Variants in ASTN2 observed in about 807,000 individuals in gnomAD.
ASTN2 encodes astrotactin-2.
ASTN2 carries 54 observed loss-of-function variants against 139.8 expected under a neutral mutation model. The ratio of observed to expected loss-of-function variants is 0.39; its 90% CI spans 0.31 to 0.48. ASTN2 has a LOEUF of 0.48. Ranked by LOEUF, ASTN2 falls within the 20% of genes least tolerant of loss-of-function variation. The pLI, the probability that ASTN2 is intolerant of heterozygous loss-of-function variation, is 0.95. For synonymous variants in ASTN2, 756 were observed against 719.5 expected, an observed-to-expected ratio of 1.05 and a Z score of -0.81; for missense variants, 1,565 against 1,725.1, an observed-to-expected ratio of 0.91 and a Z score of 1.64.
chr9:117,346,724 A>G (rs1829230976), intron 1 of ASTN2, among the ~76,000 whole-genome samples: 2 of 152,308 alleles, frequency 1.3e-5, no homozygotes, highest in African/African-American at 2.4e-5. Flanking sequence ...GAACCTGTTC[A>G]GGGCCACCTC....
chr9:116,744,628 A>T (rs1405393683), intron 13 of ASTN2, among the ~76,000 whole-genome samples: 2 of 152,142 alleles, frequency 1.3e-5, no homozygotes, highest in African/African-American at 2.4e-5. Flanking sequence ...GGTGGGGAGT[A>T]AAAGAAGAGT....
Position 116,620,394 on chromosome 9 carries a change from T to C in ASTN2, c.3122A>G (p.Asp1041Gly). The C allele has an allele frequency of 1.2e-6, 2 of 1,614,068 alleles. No homozygotes were observed. Among genetic ancestry groups the C allele is most frequent in the Non-Finnish European group, 1.7e-6 (2 of 1,180,012 alleles). ...ACACCTGCACCAGTCATCGATCACA[T>C]CCCCTTTCCCTGAGCACCAGTAGGA... ...MSSYWCSGKG[D>G]VIDDWCRCDL... is the part of the protein sequence containing the mutation. The change falls in exon 18 of 23, where the codon GAT becomes GGT. Residue 1041 changes from aspartate (D) to glycine (G), a missense_variant. Physicochemically the swap from Asp to Gly is moderately conservative, Grantham distance 94. Around this residue, in one of 4 missense-constraint regions of ASTN2, gnomAD observed 418 missense variants for 465.8 expected, o/e 0.90. Coordinates refer to ENST00000313400, the MANE Select transcript of ASTN2 (RefSeq NM_001365068.1).
At chr9:116,923,424 G>A (rs1264718631) in intron 10 of ASTN2, among the ~76,000 whole-genome samples, 2 of 152,174 alleles carry the variant, frequency 1.3e-5, no homozygotes, top group Non-Finnish European at 2.9e-5. Flanking sequence ...GCTATTAGAC[G>A]GCTTCTCTTG....
intron 1 of ASTN2, among the ~76,000 whole-genome samples, chr9:117,394,927 A>C (rs1399536032): frequency 6.6e-6 from 1 of 152,214 alleles, no homozygotes; most frequent in African/African-American, 2.4e-5. Flanking sequence ...ACTTGAAGAA[A>C]GAAACTGCAG....
intron 1 of ASTN2, among the ~76,000 whole-genome samples, chr9:117,340,891 T>C (rs1829045282): frequency 6.6e-6 from 1 of 152,154 alleles, no homozygotes. Flanking sequence ...ATCAGCAACA[T>C]GGCCAGGCAG....
chr9:116,774,881 C>A (rs1465841435), intron 13 of ASTN2, among the ~76,000 whole-genome samples: 2 of 152,158 alleles, frequency 1.3e-5, no homozygotes, highest in Non-Finnish European at 2.9e-5. Flanking sequence ...AACTCACATG[C>A]ACCCATCTAC....
chr9:117,332,492 AG>A (rs1373755003), intron 1 of ASTN2, among the ~76,000 whole-genome samples: 2 of 152,152 alleles, frequency 1.3e-5, no homozygotes, highest in Non-Finnish European at 2.9e-5. Flanking sequence ...CTTGAGCCAG[AG>A]AGGCAGAGTT....
chr9:117,024,895 G>C lies in ASTN2; in HGVS notation c.1423+14924C>G, dbSNP rs561259034. Among the ~76,000 whole-genome samples, 5 of 148,726 alleles carry C rather than the reference G, an allele frequency of 3.4e-5. No individual in the cohort carries two copies. In the South Asian group the frequency reaches 6.2e-4, roughly 19 times the overall value. The stretch of plus-strand genomic sequence containing the variant: ...CAGTTTCCCCCATACTGTTCTCATG[G>C]TAGTGAATAAGTCTCATGAGATCTG... On this transcript the variant is annotated intron_variant, in intron 6 of 22. Transcript: ENST00000313400.
At position 116,425,602 on chromosome 9, in the gene ASTN2, G is replaced by C; in HGVS notation, c.*249C>G. ...CATAAGAAAAGGTTTAAAAAGGAGA[G>C]ACTTTTGATAGAGTCAAATAATATC... On this transcript the variant is annotated 3_prime_UTR_variant, in exon 23 of 23. Coordinates refer to ENST00000313400, the MANE Select transcript of ASTN2 (RefSeq NM_001365068.1). The C allele has an allele frequency of 6.2e-7, 1 of 1,613,046 alleles. No homozygotes were observed. Among genetic ancestry groups the C allele is most frequent in the East Asian group, 2.2e-5 (1 of 44,870 alleles).
intron 6 of ASTN2, among the ~76,000 whole-genome samples, chr9:117,016,822 T>G (rs1837728385): frequency 6.8e-6 from 1 of 146,434 alleles, no homozygotes. Context: ...TTTATATATA[T>G]ATATATGTTT....
intron 19 of ASTN2, among the ~76,000 whole-genome samples, chr9:116,510,451 T>C (rs1210416853): frequency 6.6e-6 from 1 of 152,240 alleles, no homozygotes; most frequent in African/African-American, 2.4e-5. Flanking sequence ...CCTCCAGCTT[T>C]GTTTTTTTGC....
chr9:116,615,968 T>C (rs918903056), intron 19 of ASTN2, among the ~76,000 whole-genome samples: 1 of 152,150 alleles, frequency 6.6e-6, no homozygotes, highest in Non-Finnish European at 1.5e-5. Context: ...TACTTAATGG[T>C]GAAAGACTAA....
intron 4 of ASTN2, among the ~76,000 whole-genome samples, chr9:117,116,579 G>GT (rs5900265): frequency 1.3e-4 from 19 of 145,304 alleles, no homozygotes; most frequent in Admixed American, 2.7e-4. Flanking sequence ...TTCATCAAAA[G>GT]TTTTTTTTTT....
intron 10 of ASTN2, among the ~76,000 whole-genome samples, chr9:116,972,560 CA>C (rs1247881228): frequency 3.9e-5 from 6 of 152,162 alleles, no homozygotes; most frequent in African/African-American, 1.4e-4. Flanking sequence ...TAGTACATAA[CA>C]CTCCACAGGT....
At chr9:116,886,745 A>G (rs1241928502) in intron 10 of ASTN2, among the ~76,000 whole-genome samples, 6 of 152,036 alleles carry the variant, frequency 3.9e-5, no homozygotes, top group African/African-American at 1.4e-4. Flanking sequence ...TATTTTTTTT[A>G]TTGAGCATCT....
At chr9:117,198,858 T>A (rs189229423) in intron 3 of ASTN2, among the ~76,000 whole-genome samples, 1 of 152,338 alleles carries the variant, frequency 6.6e-6, no homozygotes, top group Admixed American at 6.5e-5. Context: ...TATCTCATTG[T>A]GGTTTTGATT....
At chr9:116,451,882 GAA>G (rs35656090) in intron 20 of ASTN2, among the ~76,000 whole-genome samples, 1 of 146,552 alleles carries the variant, frequency 6.8e-6, no homozygotes, top group Admixed American at 6.8e-5. Flanking sequence ...GACCCCTCTT[GAA>G]AAAAAAAAAT....
At chr9:117,249,782 G>A (rs1833487669) in intron 2 of ASTN2, among the ~76,000 whole-genome samples, 2 of 151,966 alleles carry the variant, frequency 1.3e-5, no homozygotes, top group Non-Finnish European at 2.9e-5. Flanking sequence ...AGTCAACAGA[G>A]TTGGAGCCAG....
Position 116,562,733 on chromosome 9 carries a change from T to TA in ASTN2, c.3355+55590dup, listed in dbSNP as rs35878476. On this transcript the variant is annotated intron_variant, in intron 19 of 22. Coordinates refer to ENST00000313400, the MANE Select transcript of ASTN2 (RefSeq NM_001365068.1). ...GTGACAGTGCGAGTGACTGCCTCATTAAAAAAAAAAAAAAAAAAAAAAAAG... is the reference window on the plus strand; with the variant it reads ...GTGACAGTGCGAGTGACTGCCTCATTAAAAAAAAAAAAAAAAAAAAAAAAAG... Among the ~76,000 whole-genome samples, 477 of 64,448 alleles carry TA rather than the reference T, an allele frequency of 7.4e-3. 4 individuals carry two copies. Among genetic ancestry groups the TA allele is most frequent in the African/African-American group, 0.023 (363 of 15,626 alleles). The allele number at this position is 64,448 out of a possible 152,430, so 42.3% of individuals were successfully genotyped here. A position where few individuals can be genotyped will look rare whatever the true frequency, so the allele number is the denominator to read the frequency against.
Sources: allele counts gnomAD v4.1 joint callset (sites outside exome capture counted in the v4.1 genomes callset), GRCh38; gene constraint gnomAD v4.1.1; regional missense constraint gnomAD v4.1.1; transcripts MANE v1.5; gene names NCBI Gene and HGNC (gene_info 2026-07-23, HGNC 2026-07-21).